The following KLHL4 variants were observed in gnomAD, a reference collection of about 807,000 sequenced individuals.
KLHL4 encodes the protein kelch-like protein 4.
KLHL4 carries 17 observed loss-of-function variants against 45.8 expected under a neutral mutation model. The observed-to-expected ratio is 0.37, with a 90% confidence interval of 0.25 to 0.56. The LOEUF is 0.56. KLHL4 is among the 20% of genes least tolerant of loss of function. The pLI is 0.79. For synonymous variants in KLHL4, 224 were observed against 189.9 expected (o/e 1.18, Z -1.47); for missense variants, 544 against 544.9 (o/e 1.00, Z 0.02).
At chrX:87,528,869 A>G (rs1931179222) in intron 1 of KLHL4, among the ~76,000 whole-genome samples, 1 of 109,873 alleles carries the variant, frequency 9.1e-6, no homozygotes, top group Non-Finnish European at 1.9e-5. Flanking sequence ...ATTATATTCA[A>G]CCCAAATATA....
chrX:87,522,494 A>G (rs147291065), intron 1 of KLHL4, among the ~76,000 whole-genome samples: 2,265 of 111,698 alleles, frequency 0.02, 59 homozygotes, highest in African/African-American at 0.07. Context: ...TCCAGGCATT[A>G]TATCTGTTAA....
chrX:87,549,979 T>C (rs1931777213), intron 1 of KLHL4, among the ~76,000 whole-genome samples: 1 of 111,017 alleles, frequency 9.0e-6, no homozygotes, highest in Non-Finnish European at 1.9e-5. Context: ...AACAAGATGG[T>C]TTTTTGGAAA....
intron 1 of KLHL4, among the ~76,000 whole-genome samples, chrX:87,558,808 C>A (rs1273274049): frequency 8.9e-6 from 1 of 112,145 alleles, no homozygotes. Flanking sequence ...TGTTTAGAAA[C>A]TAACATTTTC....
intron 9 of KLHL4, among the ~76,000 whole-genome samples, chrX:87,655,761 T>C (rs770042520): frequency 8.9e-6 from 1 of 112,018 alleles, no homozygotes; most frequent in African/African-American, 3.2e-5. Flanking sequence ...CTTATTTGTG[T>C]AATTGTTTTA....
intron 9 of KLHL4, among the ~76,000 whole-genome samples, chrX:87,660,161 G>A (rs1924140367): frequency 9.0e-6 from 1 of 111,446 alleles, no homozygotes. Context: ...ATAATTTATT[G>A]ATGCCTTCTG....
chrX:87,585,529 A>G lies in KLHL4; in HGVS notation c.423-28348A>G, dbSNP rs551376946. 1.2e-4 allele frequency among the ~76,000 whole-genome samples: 13 copies of G among 111,576 alleles called. No homozygotes were observed. The South Asian group carries it at 4.8e-3, about 41-fold the overall frequency. ...TCTTTTTGTTTGTTTGTTTATGCAA[A>G]TAGTGTTGTTATTAGATTAAAATAA... On this transcript the variant is annotated intron_variant, in intron 1 of 10. Transcript: ENST00000373119.
At chrX:87,534,442 C>T (rs1019258120) in intron 1 of KLHL4, among the ~76,000 whole-genome samples, 9 of 111,005 alleles carry the variant, frequency 8.1e-5, no homozygotes, top group African/African-American at 1.3e-4. Context: ...AGAAACCTAA[C>T]GCTTGATATA....
intron 1 of KLHL4, among the ~76,000 whole-genome samples, chrX:87,584,693 G>C (rs1329211545): frequency 9.1e-6 from 1 of 109,634 alleles, no homozygotes; most frequent in Non-Finnish European, 1.9e-5. Context: ...AAAAAGAATA[G>C]AAAACAATGA....
At chrX:87,663,612 T>C (rs1416175061) in intron 9 of KLHL4, among the ~76,000 whole-genome samples, 1 of 112,542 alleles carries the variant, frequency 8.9e-6, no homozygotes, top group Non-Finnish European at 1.9e-5. Context: ...ACCCTGACTG[T>C]CAGCTGAGTG....
At chrX:87,623,964 T>C (rs994818184) in intron 5 of KLHL4, among the ~76,000 whole-genome samples, 26 of 111,986 alleles carry the variant, frequency 2.3e-4, no homozygotes, top group African/African-American at 8.1e-4. Flanking sequence ...ACACAATTTC[T>C]CATGCCCCAC....
chrX:87,612,151 G>T (rs1208168865), intron 1 of KLHL4, among the ~76,000 whole-genome samples: 1 of 111,561 alleles, frequency 9.0e-6, no homozygotes, highest in Non-Finnish European at 1.9e-5. Flanking sequence ...CAGCCTAGAT[G>T]TACAGTGTTT....
At chrX:87,590,316 A>G (rs1204963181) in intron 1 of KLHL4, among the ~76,000 whole-genome samples, 1 of 110,388 alleles carries the variant, frequency 9.1e-6, no homozygotes, top group Non-Finnish European at 1.9e-5. Flanking sequence ...CCCCCAGAAA[A>G]CGATATAATC....
At chrX:87,644,965 A>G (rs1923584768) in intron 9 of KLHL4, among the ~76,000 whole-genome samples, 1 of 111,884 alleles carries the variant, frequency 8.9e-6, no homozygotes, top group Admixed American at 9.5e-5. Context: ...TAACATTGGA[A>G]AAACCCTTCT....
At chrX:87,578,733 C>A (rs1459219852) in intron 1 of KLHL4, among the ~76,000 whole-genome samples, 1 of 112,497 alleles carries the variant, frequency 8.9e-6, no homozygotes, top group Non-Finnish European at 1.9e-5. Context: ...TCTCCAATTT[C>A]CCAGCCTTTT....
intron 1 of KLHL4, among the ~76,000 whole-genome samples, chrX:87,529,831 T>A (rs1419841132): frequency 8.9e-6 from 1 of 111,997 alleles, no homozygotes. Context: ...GAGATTCATT[T>A]TCTTTGAGGA....
At chrX:87,602,764 T>C (rs958732653) in intron 1 of KLHL4, among the ~76,000 whole-genome samples, 9 of 111,843 alleles carry the variant, frequency 8.0e-5, no homozygotes, top group Non-Finnish European at 1.5e-4. Context: ...TATACATGCA[T>C]GTGTGTATAT....
intron 1 of KLHL4, among the ~76,000 whole-genome samples, chrX:87,546,654 G>T (rs1218068360): frequency 1.8e-5 from 2 of 112,006 alleles, no homozygotes; most frequent in Non-Finnish European, 3.8e-5. Flanking sequence ...CCAACAGGTT[G>T]CACCATGTAC....
intron 9 of KLHL4, among the ~76,000 whole-genome samples, chrX:87,642,780 T>C (rs1476778978): frequency 8.9e-6 from 1 of 112,193 alleles, no homozygotes; most frequent in African/African-American, 3.2e-5. Context: ...AGAATGTAAT[T>C]GAGCAAGTAA....
intron 1 of KLHL4, among the ~76,000 whole-genome samples, chrX:87,532,353 G>T (rs887621941): frequency 9.1e-6 from 1 of 110,156 alleles, no homozygotes; most frequent in Non-Finnish European, 1.9e-5. Flanking sequence ...AGTGTAGTTT[G>T]AAGTCAGGTA....
Sources: allele counts gnomAD v4.1 joint callset (sites outside exome capture counted in the v4.1 genomes callset), GRCh38; gene constraint gnomAD v4.1.1; transcripts MANE v1.5; gene names NCBI Gene and HGNC (gene_info 2026-07-23, HGNC 2026-07-21).